Variants in GPHN observed in about 807,000 individuals in gnomAD.
GPHN encodes gephyrin.
GPHN carries 17 observed loss-of-function variants against 95.5 expected under a neutral mutation model. That is an observed-to-expected ratio of 0.18 (90% CI 0.12 to 0.27). The LOEUF is 0.27. Ranked by LOEUF, GPHN falls within the 10% of genes least tolerant of loss-of-function variation. The probability of loss-of-function intolerance (pLI) is 1.00; values close to 1 mark genes in which losing one functional copy is unlikely to be tolerated. For missense variants in GPHN, 660 were observed against 978.1 expected, an observed-to-expected ratio of 0.67 and a Z score of 4.34; for synonymous variants, 320 against 322.5, an observed-to-expected ratio of 0.99 and a Z score of 0.08.
chr14:66,688,056 T>C (rs995112086), intron 2 of GPHN, among the ~76,000 whole-genome samples: 2 of 152,166 alleles, frequency 1.3e-5, no homozygotes, highest in African/African-American at 4.8e-5. Flanking sequence ...TCCTTAACAA[T>C]GACATAAACA....
chr14:66,542,765 C>T (rs1052413660), intron 1 of GPHN, among the ~76,000 whole-genome samples: 1 of 152,200 alleles, frequency 6.6e-6, no homozygotes, highest in African/African-American at 2.4e-5. Flanking sequence ...AAAGGATTAT[C>T]TGTGCTCAAT....
chr14:66,514,638 C>A (rs1348024076), intron 1 of GPHN, among the ~76,000 whole-genome samples: 2 of 151,826 alleles, frequency 1.3e-5, no homozygotes, highest in African/African-American at 4.8e-5. Flanking sequence ...CATAAAAATG[C>A]AAGAGAATAA....
intron 13 of GPHN, among the ~76,000 whole-genome samples, chr14:67,108,195 T>A (rs184461778): frequency 1.8e-4 from 27 of 152,256 alleles, no homozygotes; most frequent in African/African-American, 5.8e-4. Flanking sequence ...CTGGGAAGAT[T>A]CATATCTGTG....
At chr14:67,304,442 G>A in the GPHN span, among the ~76,000 whole-genome samples, 1 of 152,134 alleles carries the variant, frequency 6.6e-6, no homozygotes, top group Non-Finnish European at 1.5e-5. Flanking sequence ...TATGTATGAT[G>A]GGATATTATT....
the GPHN span, chr14:67,648,085 C>T: frequency 2.5e-6 from 4 of 1,613,714 alleles, no homozygotes; most frequent in Non-Finnish European, 2.5e-6. Context: ...GATATTGATG[C>T]ATTTGACCCT....
the GPHN span, chr14:67,393,327 A>G: frequency 1.1e-6 from 1 of 890,182 alleles, no homozygotes; most frequent in African/African-American, 1.6e-5. Flanking sequence ...CTAAGGGTAT[A>G]AAGCAAGTGG....
chr14:67,612,997 C>G, the GPHN span, among the ~76,000 whole-genome samples: 1 of 152,038 alleles, frequency 6.6e-6, no homozygotes, highest in Non-Finnish European at 1.5e-5. Flanking sequence ...TAGGGCTGCC[C>G]TGGTAACAAC....
intron 11 of GPHN, among the ~76,000 whole-genome samples, chr14:67,068,799 G>A (rs1842313125): frequency 6.6e-6 from 1 of 152,122 alleles, no homozygotes; most frequent in Admixed American, 6.5e-5. Flanking sequence ...ATCTCTTTTA[G>A]AATACTGACC....
At position 67,113,592 on chromosome 14, in the gene GPHN, C is replaced by G. The variant is rs927300011; in HGVS notation, c.1626+421C>G. Among the ~76,000 whole-genome samples, 3 of 152,282 alleles carry G rather than the reference C, an allele frequency of 2.0e-5. No individual in the cohort carries two copies. In the South Asian group the frequency reaches 6.2e-4, roughly 32 times the overall value. Reference sequence around the variant, plus strand: ...GGGAAGTATCAATGAATCAGGACATCATGGCTAGCACTTCTTGTGAAAAGT... The same window carrying G: ...GGGAAGTATCAATGAATCAGGACATGATGGCTAGCACTTCTTGTGAAAAGT... On this transcript the variant is annotated intron_variant, in intron 16 of 22. Coordinates refer to ENST00000478722, the MANE Select transcript of GPHN (RefSeq NM_020806.5).
chr14:67,309,518 C>T, the GPHN span, among the ~76,000 whole-genome samples: 1 of 152,088 alleles, frequency 6.6e-6, no homozygotes, highest in Non-Finnish European at 1.5e-5. Context: ...AAAGCATGTT[C>T]TCTTCCCAGC....
At chr14:67,054,441 A>G (rs1015424736) in intron 10 of GPHN, among the ~76,000 whole-genome samples, 3 of 152,198 alleles carry the variant, frequency 2.0e-5, no homozygotes, top group Non-Finnish European at 4.4e-5. Flanking sequence ...CTGCTCAAGG[A>G]AATCAGAGAG....
At chr14:66,980,880 G>C (rs2070613279) in intron 9 of GPHN, among the ~76,000 whole-genome samples, 1 of 152,098 alleles carries the variant, frequency 6.6e-6, no homozygotes, top group Admixed American at 6.6e-5. Context: ...GAGAAACCTT[G>C]TCTCTATTAA....
intron 1 of GPHN, among the ~76,000 whole-genome samples, chr14:66,605,991 G>A (rs2062516225): frequency 6.6e-6 from 1 of 152,060 alleles, no homozygotes; most frequent in Admixed American, 6.6e-5. Context: ...GAGCTATTTA[G>A]TTTAATTAGG....
At chr14:67,635,932 A>G in the GPHN span, among the ~76,000 whole-genome samples, 2 of 152,130 alleles carry the variant, frequency 1.3e-5, no homozygotes, top group African/African-American at 4.8e-5. Context: ...AAAATATTTG[A>G]GTCTGTAACT....
At chr14:66,709,237 T>C in intron 2 of GPHN, 1 of 363,018 alleles carries the variant, frequency 2.8e-6, no homozygotes, top group Non-Finnish European at 5.8e-6. Context: ...AACCATTCTT[T>C]TAAACATAAA....
intron 1 of GPHN, among the ~76,000 whole-genome samples, chr14:66,599,220 A>G (rs180713615): frequency 6.6e-6 from 1 of 152,048 alleles, no homozygotes; most frequent in Non-Finnish European, 1.5e-5. Flanking sequence ...TGGGTAGAGT[A>G]GGAAACACGC....
the GPHN span, among the ~76,000 whole-genome samples, chr14:67,218,213 T>C: frequency 3.0e-4 from 45 of 152,278 alleles, no homozygotes; most frequent in East Asian, 4.2e-3. Flanking sequence ...GCCATGGGGC[T>C]GTTACTGTGG....
intron 9 of GPHN, among the ~76,000 whole-genome samples, chr14:67,022,541 CTTTTTT>C (rs1214143019): frequency 7.6e-3 from 143 of 18,846 alleles, no homozygotes; most frequent in Non-Finnish European, 0.01. Flanking sequence ...ATTATTTTTC[CTTTTTT>C]TTTTTTTTTT....
chr14:67,551,250 T>C, the GPHN span, among the ~76,000 whole-genome samples: 1 of 152,196 alleles, frequency 6.6e-6, no homozygotes, highest in Non-Finnish European at 1.5e-5. Flanking sequence ...GAAAGGAGGC[T>C]GTATTACTAG....
Sources: gnomAD v4.1 joint callset for allele counts (sites outside exome capture counted in the v4.1 genomes callset) on GRCh38, gnomAD v4.1.1 for gene constraint, MANE v1.5 for transcripts, NCBI Gene and HGNC (gene_info 2026-07-23, HGNC 2026-07-21) for gene names.